GRID2: variants seen among roughly 807,000 people sequenced by gnomAD.
The protein encoded by GRID2 is glutamate ionotropic receptor delta type subunit 2, also known as glutamate receptor ionotropic, delta-2.
A neutral mutation model predicts 114.8 loss-of-function variants in GRID2; 33 were observed. That is an observed-to-expected ratio of 0.29 (90% CI 0.22 to 0.38). GRID2 has a LOEUF of 0.38. Among genes scored for constraint, GRID2 ranks in the 10% least tolerant of loss-of-function variants. GRID2 has a pLI of 1.00. For synonymous variants in GRID2, 505 were observed against 449.9 expected (o/e 1.12, Z -1.55); for missense variants, 1,184 against 1,257.7 (o/e 0.94, Z 0.89).
chr4:93,602,705 A>G (rs575410058), intron 13 of GRID2, among the ~76,000 whole-genome samples: 1 of 152,218 alleles, frequency 6.6e-6, no homozygotes, highest in Non-Finnish European at 1.5e-5. Context: ...TCCCTGAGAC[A>G]TAGCAATTTT....
intron 4 of GRID2, among the ~76,000 whole-genome samples, chr4:93,131,884 T>A (rs188415771): frequency 7.2e-5 from 11 of 152,316 alleles, no homozygotes; most frequent in Admixed American, 7.2e-4. Flanking sequence ...ATAGAGCCGT[T>A]ATCTAGGAAC....
At chr4:92,479,262 T>A (rs1173760045) in intron 1 of GRID2, among the ~76,000 whole-genome samples, 2 of 152,162 alleles carry the variant, frequency 1.3e-5, no homozygotes, top group Non-Finnish European at 2.9e-5. Flanking sequence ...TTAAAAGTTG[T>A]TAAGATACAT....
intron 1 of GRID2, among the ~76,000 whole-genome samples, chr4:92,402,386 G>A (rs1271236126): frequency 1.3e-5 from 2 of 152,086 alleles, no homozygotes; most frequent in African/African-American, 4.8e-5. Context: ...ATCCATCAGA[G>A]GAACCACTAC....
intron 3 of GRID2, among the ~76,000 whole-genome samples, chr4:93,097,004 T>A (rs2149335667): frequency 6.6e-6 from 1 of 152,058 alleles, no homozygotes; most frequent in South Asian, 2.1e-4. Flanking sequence ...GAAGAAACAC[T>A]GAGTTAAGTG....
chr4:93,050,610 T>C (rs1056816068), intron 2 of GRID2, among the ~76,000 whole-genome samples: 2 of 151,826 alleles, frequency 1.3e-5, no homozygotes, highest in Non-Finnish European at 2.9e-5. Context: ...TAAAAATGTT[T>C]CAAGGTTTAT....
At chr4:92,580,462 G>T (rs1200855506) in intron 1 of GRID2, among the ~76,000 whole-genome samples, 1 of 151,832 alleles carries the variant, frequency 6.6e-6, no homozygotes, top group East Asian at 1.9e-4. Flanking sequence ...AACTAAAACA[G>T]TAGTTTACAG....
intron 1 of GRID2, among the ~76,000 whole-genome samples, chr4:93,803,675 T>C (rs926018288): frequency 4.6e-5 from 7 of 152,064 alleles, no homozygotes; most frequent in Non-Finnish European, 8.8e-5. Context: ...CAAGCCGAGA[T>C]TGCCCCAACG....
chr4:92,900,460 T>G (rs1467965676), intron 2 of GRID2, among the ~76,000 whole-genome samples: 1 of 152,196 alleles, frequency 6.6e-6, no homozygotes, highest in East Asian at 1.9e-4. Flanking sequence ...TGTCCATGTG[T>G]GCAATGATTT....
intron 14 of GRID2, among the ~76,000 whole-genome samples, chr4:93,723,612 T>C (rs1729580328): frequency 6.6e-6 from 1 of 152,224 alleles, no homozygotes; most frequent in African/African-American, 2.4e-5. Context: ...TTTAAGATAA[T>C]TTTTCAATGG....
exon 2 of GRID2, chr4:93,808,279 A>T (rs968395430): frequency 6.6e-6 from 1 of 152,176 alleles, no homozygotes; most frequent in African/African-American, 2.4e-5. Context: ...GGTGCTTACC[A>T]TGACTGTGGG....
chr4:92,693,631 A>G (rs1194976338), intron 2 of GRID2, among the ~76,000 whole-genome samples: 2 of 152,224 alleles, frequency 1.3e-5, no homozygotes, highest in Non-Finnish European at 2.9e-5. Flanking sequence ...ACTCACAGAC[A>G]TTTAGGGACT....
At chr4:93,722,544 A>G (rs1291970291) in intron 14 of GRID2, among the ~76,000 whole-genome samples, 2 of 152,232 alleles carry the variant, frequency 1.3e-5, no homozygotes, top group African/African-American at 4.8e-5. Context: ...CCCCCAAAAA[A>G]GAAACTATCT....
At chr4:93,235,579 G>A (rs901441840) in intron 7 of GRID2, among the ~76,000 whole-genome samples, 1 of 152,132 alleles carries the variant, frequency 6.6e-6, no homozygotes, top group African/African-American at 2.4e-5. Context: ...ATAGGTTTTA[G>A]TTAAAGGGTT....
At chr4:92,357,941 T>C (rs1382468252) in intron 1 of GRID2, among the ~76,000 whole-genome samples, 1 of 151,982 alleles carries the variant, frequency 6.6e-6, no homozygotes, top group East Asian at 1.9e-4. Flanking sequence ...TACACAGTTA[T>C]AGACAAAGTA....
intron 1 of GRID2, among the ~76,000 whole-genome samples, chr4:92,308,639 G>A (rs182232494): frequency 7.8e-4 from 119 of 152,160 alleles, no homozygotes; most frequent in African/African-American, 2.8e-3. Context: ...ATAATAGATT[G>A]TAAATGTAAA....
At chr4:93,240,089 A>G (rs992094446) in intron 8 of GRID2, among the ~76,000 whole-genome samples, 6 of 151,614 alleles carry the variant, frequency 4.0e-5, no homozygotes, top group Admixed American at 3.3e-4. Flanking sequence ...CTGTTACAAA[A>G]ATTCTTGGAT....
chr4:93,430,937 GA>G (rs1769351505), intron 10 of GRID2, among the ~76,000 whole-genome samples: 1 of 152,166 alleles, frequency 6.6e-6, no homozygotes, highest in Non-Finnish European at 1.5e-5. Flanking sequence ...AAACAGCATG[GA>G]AAGCAGGCCA....
intron 2 of GRID2, among the ~76,000 whole-genome samples, chr4:92,793,033 T>C (rs1011386269): frequency 4.6e-5 from 7 of 151,662 alleles, no homozygotes; most frequent in Non-Finnish European, 8.8e-5. Context: ...ACATTTTGCG[T>C]AAAGAGAGTA....
intron 4 of GRID2, among the ~76,000 whole-genome samples, chr4:93,160,492 A>G (rs528131892): frequency 1.3e-5 from 2 of 151,908 alleles, no homozygotes; most frequent in South Asian, 4.1e-4. Flanking sequence ...TGACAATGCT[A>G]AAAAATTGTG....
Sources: gnomAD v4.1 joint callset for allele counts (sites outside exome capture counted in the v4.1 genomes callset) on GRCh38, gnomAD v4.1.1 for gene constraint, MANE v1.5 for transcripts, NCBI Gene and HGNC (gene_info 2026-07-23, HGNC 2026-07-21) for gene names.